RIN2: variants seen among roughly 807,000 people sequenced by gnomAD.
RIN2 encodes RAB5 interacting protein 2.
A neutral mutation model predicts 78.0 loss-of-function variants in RIN2; 36 were observed. The observed-to-expected ratio is 0.46, with a 90% confidence interval of 0.35 to 0.61. The LOEUF (loss-of-function observed/expected upper bound fraction) is 0.61. Ranked by LOEUF, RIN2 falls within the 20% of genes least tolerant of loss-of-function variation. RIN2 has a pLI of 0.00. For synonymous variants in RIN2, 466 were observed against 466.8 expected (o/e 1.00, Z 0.02); for missense variants, 1,087 against 1,159.7 (o/e 0.94, Z 0.91).
chr20:19,778,659 G>C (rs1395307811), intron 1 of RIN2, among the ~76,000 whole-genome samples: 2 of 152,176 alleles, frequency 1.3e-5, no homozygotes, highest in East Asian at 3.9e-4. Context: ...GCAGACGCTG[G>C]GTAGGGAAAA....
chr20:19,980,450 G>A (rs199587), intron 9 of RIN2, among the ~76,000 whole-genome samples: 51,277 of 151,966 alleles, frequency 0.34, 9,802 homozygotes, highest in Non-Finnish European at 0.44. Context: ...CCTGCACAAG[G>A]GGGCTGTTAG....
chr20:19,887,182 AT>A (rs10522974), intron 2 of RIN2, among the ~76,000 whole-genome samples: 80,084 of 145,610 alleles, frequency 0.55, 22,181 homozygotes, highest in African/African-American at 0.7. Flanking sequence ...ATGCCCATCT[AT>A]TTTTTTTTTT....
chr20:19,810,571 C>T (rs144434285), intron 2 of RIN2, among the ~76,000 whole-genome samples: 11 of 152,106 alleles, frequency 7.2e-5, no homozygotes, highest in East Asian at 1.9e-4. Flanking sequence ...GAACATCAGC[C>T]GGTGCTGCTC....
At chr20:19,889,450 G>T in intron 2 of RIN2, 116 bp from the exon 3 acceptor site, 1 of 1,168,932 alleles carries the variant, frequency 8.6e-7, no homozygotes, top group Non-Finnish European at 1.2e-6. Context: ...GAAATAAATG[G>T]CACTGTGTTG....
chr20:19,807,201 A>G (rs2035437562), intron 2 of RIN2, among the ~76,000 whole-genome samples: 1 of 152,238 alleles, frequency 6.6e-6, no homozygotes, highest in Non-Finnish European at 1.5e-5. Flanking sequence ...TTATTCTATT[A>G]GCCAAAGCAA....
At chr20:19,889,429 G>T in intron 2 of RIN2, 137 bp from the exon 3 acceptor site, 1 of 1,119,810 alleles carries the variant, frequency 8.9e-7, no homozygotes. Flanking sequence ...GGAGATGTAA[G>T]GCCTTGGTGG....
chr20:19,904,261 A>AT (rs1335921247), intron 3 of RIN2, among the ~76,000 whole-genome samples: 5 of 147,384 alleles, frequency 3.4e-5, no homozygotes, highest in African/African-American at 1.2e-4. Context: ...ATATATATAT[A>AT]AAATATATAT....
At chr20:19,991,789 G>A (rs769396555) in intron 10 of RIN2, among the ~76,000 whole-genome samples, 33 of 152,324 alleles carry the variant, frequency 2.2e-4, no homozygotes, top group Non-Finnish European at 3.2e-4. Context: ...CAGCAAGAAA[G>A]AGGAAGTAAG....
intron 7 of RIN2, among the ~76,000 whole-genome samples, chr20:19,967,211 A>C (rs1243573480): frequency 2.0e-5 from 3 of 152,220 alleles, no homozygotes; most frequent in Non-Finnish European, 4.4e-5. Flanking sequence ...AAAGTATATG[A>C]AAGCCTTATA....
At chr20:19,876,370 A>G (rs765282871) in intron 2 of RIN2, among the ~76,000 whole-genome samples, 7 of 152,170 alleles carry the variant, frequency 4.6e-5, no homozygotes, top group Non-Finnish European at 8.8e-5. Context: ...TGTATACCCC[A>G]ATGAGATAAT....
intron 2 of RIN2, among the ~76,000 whole-genome samples, chr20:19,824,989 A>T (rs2122938510): frequency 6.6e-6 from 1 of 152,278 alleles, no homozygotes; most frequent in Middle Eastern, 3.4e-3. Flanking sequence ...CACCCAGGAC[A>T]CACTCAGACA....
chr20:19,807,120 A>G (rs867099948), intron 2 of RIN2, among the ~76,000 whole-genome samples: 2 of 152,252 alleles, frequency 1.3e-5, no homozygotes, highest in Non-Finnish European at 2.9e-5. Context: ...GCAAAAGTGC[A>G]TGAGTATAAG....
intron 2 of RIN2, among the ~76,000 whole-genome samples, chr20:19,853,084 C>A (rs1316521307): frequency 6.8e-6 from 1 of 147,506 alleles, no homozygotes; most frequent in African/African-American, 2.5e-5. Context: ...TTCCTGTGTC[C>A]ATGTGTTCTC....
intron 2 of RIN2, among the ~76,000 whole-genome samples, chr20:19,805,866 C>T (rs1484039268): frequency 6.6e-6 from 1 of 152,138 alleles, no homozygotes; most frequent in Non-Finnish European, 1.5e-5. Flanking sequence ...TATCCCTCCC[C>T]CAGCCCCCAA....
Position 19,956,660 on chromosome 20 carries a change from G to C in RIN2, c.204G>C (p.Val68=). 7 of 1,613,506 alleles carry C rather than the reference G, an allele frequency of 4.3e-6. No individual in the cohort carries two copies. The highest frequency in any genetic ancestry group is 5.9e-6 in the Non-Finnish European group (7 of 1,179,718). The part of the protein sequence containing the change: ...KDGGYSEEED[V]KTCARDSGYD... The stretch of plus-strand genomic sequence containing the variant: ...GTGGCTATTCCGAGGAAGAGGACGT[G>C]AAGACCTGTGCCCGGGACTCAGGCT... The change falls in exon 5 of 13, where the codon GTG becomes GTC. Residue 68 remains valine, a synonymous_variant. Coordinates refer to ENST00000255006, the MANE Select transcript of RIN2 (RefSeq NM_018993.4).
intron 11 of RIN2, among the ~76,000 whole-genome samples, chr20:19,994,403 G>A (rs1051341384): frequency 3.3e-5 from 5 of 152,206 alleles, no homozygotes; most frequent in African/African-American, 1.2e-4. Flanking sequence ...GTTTTCCGCT[G>A]TTTAAGCAGG....
intron 2 of RIN2, among the ~76,000 whole-genome samples, chr20:19,805,267 T>C (rs879622478): frequency 6.6e-6 from 1 of 152,230 alleles, no homozygotes; most frequent in Non-Finnish European, 1.5e-5. Context: ...CCATACAGTC[T>C]GTGACATGAG....
chr20:19,859,441 C>A (rs1169445055), intron 2 of RIN2, among the ~76,000 whole-genome samples: 1 of 152,164 alleles, frequency 6.6e-6, no homozygotes, highest in Non-Finnish European at 1.5e-5. Flanking sequence ...GCATAAAATG[C>A]CAATTTCCCC....
intron 3 of RIN2, among the ~76,000 whole-genome samples, chr20:19,908,485 C>T (rs533340647): frequency 6.1e-4 from 82 of 133,480 alleles, no homozygotes; most frequent in Non-Finnish European, 1.1e-3. Flanking sequence ...AGCGAGACTC[C>T]GTCTCAAAAA....
Sources: gnomAD v4.1 joint callset for allele counts (sites outside exome capture counted in the v4.1 genomes callset) on GRCh38, gnomAD v4.1.1 for gene constraint, MANE v1.5 for transcripts, NCBI Gene and HGNC (gene_info 2026-07-23, HGNC 2026-07-21) for gene names.